The following NPAS2 variants were observed in gnomAD, a reference collection of about 807,000 sequenced individuals.
NPAS2 encodes the protein neuronal PAS domain-containing protein 2.
A neutral mutation model predicts 107.5 loss-of-function variants in NPAS2; 23 were observed. The observed-to-expected ratio is 0.21, with a 90% confidence interval of 0.15 to 0.30. NPAS2 has a LOEUF of 0.30. Ranked by LOEUF, NPAS2 falls within the 10% of genes least tolerant of loss-of-function variation. The probability of loss-of-function intolerance (pLI) is 1.00; values close to 1 mark genes in which losing one functional copy is unlikely to be tolerated. For missense variants in NPAS2, 756 were observed against 1,043.3 expected (o/e 0.72, Z 3.79); for synonymous variants, 403 against 417.5 (o/e 0.97, Z 0.42).
At chr2:100,952,698 C>G (rs1675305269) in intron 7 of NPAS2, among the ~76,000 whole-genome samples, 1 of 151,914 alleles carries the variant, frequency 6.6e-6, no homozygotes, top group African/African-American at 2.4e-5. Context: ...AGCATCCTGT[C>G]ATTTACCACA....
intron 1 of NPAS2, among the ~76,000 whole-genome samples, chr2:100,875,582 C>T (rs536669744): frequency 6.6e-6 from 1 of 152,076 alleles, no homozygotes; most frequent in Non-Finnish European, 1.5e-5. Context: ...TAGCTGGTTC[C>T]TACACAGCGC....
At chr2:100,978,425 GT>G (rs1007276588) in intron 15 of NPAS2, among the ~76,000 whole-genome samples, 11 of 151,856 alleles carry the variant, frequency 7.2e-5, no homozygotes, top group African/African-American at 2.7e-4. Context: ...ATTGGCCATG[GT>G]ATTTTAGAAA....
intron 1 of NPAS2, among the ~76,000 whole-genome samples, chr2:100,856,712 TGGGGGC>T (rs1022601422): frequency 6.6e-3 from 28 of 4,226 alleles, no homozygotes; most frequent in South Asian, 0.021. Context: ...ATGGGCGGGG[TGGGGGC>T]GGGGGCGGGG....
At chr2:100,823,402 T>C (rs1676189474) in intron 1 of NPAS2, among the ~76,000 whole-genome samples, 1 of 152,076 alleles carries the variant, frequency 6.6e-6, no homozygotes, top group East Asian at 1.9e-4. Flanking sequence ...CTTTTGCAAG[T>C]CTTAAAACAA....
At chr2:100,837,771 G>C (rs1042885301) in intron 1 of NPAS2, among the ~76,000 whole-genome samples, 1 of 152,160 alleles carries the variant, frequency 6.6e-6, no homozygotes, top group African/African-American at 2.4e-5. Context: ...CTGAAGTAAA[G>C]AACAGTTGGG....
In NPAS2 at chr2:100,992,985, A is replaced by C. The variant is rs377570899; in HGVS notation, c.2112-362A>C. Among the ~76,000 whole-genome samples, 37 of 151,484 alleles carry C rather than the reference A, an allele frequency of 2.4e-4. No homozygotes were observed. In the East Asian group the frequency reaches 5.3e-3, roughly 22 times the overall value. Reference sequence around the variant, plus strand: ...CACTCTGTCGCCCAGGCTGGAGTGCAGTGGTGTGATCTCGGCTCACTACAG... The same window carrying C: ...CACTCTGTCGCCCAGGCTGGAGTGCCGTGGTGTGATCTCGGCTCACTACAG... On this transcript the variant is annotated intron_variant, in intron 19 of 20. Coordinates refer to ENST00000335681, the MANE Select transcript of NPAS2 (RefSeq NM_002518.4).
intron 1 of NPAS2, among the ~76,000 whole-genome samples, chr2:100,894,686 G>A (rs973042292): frequency 6.6e-6 from 1 of 152,176 alleles, no homozygotes; most frequent in Non-Finnish European, 1.5e-5. Flanking sequence ...ACCAGTCCAG[G>A]GAGAGCAACA....
chr2:100,917,565 GGT>G (rs1682966519), intron 2 of NPAS2, among the ~76,000 whole-genome samples: 1 of 151,988 alleles, frequency 6.6e-6, no homozygotes, highest in African/African-American at 2.4e-5. Context: ...CAATAAAATT[GGT>G]AAGTCTATCA....
Position 100,853,216 on chromosome 2 carries a change from A to G in NPAS2, c.-23+32802A>G, listed in dbSNP as rs572902441. ...AAGGCTCCTCTCAGCTTCTGTCGCAATCTTGCACAGGAGAGAACTAGACCT... is the reference window on the plus strand; with the variant it reads ...AAGGCTCCTCTCAGCTTCTGTCGCAGTCTTGCACAGGAGAGAACTAGACCT... On this transcript the variant is annotated intron_variant, in intron 1 of 20. Coordinates refer to ENST00000335681, the MANE Select transcript of NPAS2 (RefSeq NM_002518.4). Among the ~76,000 whole-genome samples the G allele has an allele frequency of 3.9e-4, 59 of 152,354 alleles. 1 individual carries two copies. The highest frequency in any genetic ancestry group is 1.4e-3 in the African/African-American group (57 of 41,580).
chr2:100,850,034 AAAAGC>A (rs922912132), intron 1 of NPAS2, among the ~76,000 whole-genome samples: 2 of 131,188 alleles, frequency 1.5e-5, no homozygotes, highest in African/African-American at 2.9e-5. Context: ...AAAAAAAAAA[AAAAGC>A]AAGAGAAAAT....
At chr2:100,970,789 A>G in intron 11 of NPAS2, 1 of 475,430 alleles carries the variant, frequency 2.1e-6, no homozygotes, top group Non-Finnish European at 3.7e-6. Context: ...ATGTAATATT[A>G]TAAGTCACTC....
At chr2:100,931,298 A>AT (rs1248095615) in intron 3 of NPAS2, among the ~76,000 whole-genome samples, 1 of 152,116 alleles carries the variant, frequency 6.6e-6, no homozygotes, top group Non-Finnish European at 1.5e-5. Flanking sequence ...CCAAAGGCTC[A>AT]TAGCAGCTCT....
At chr2:100,888,021 G>C (rs1558842101) in intron 1 of NPAS2, among the ~76,000 whole-genome samples, 1 of 152,196 alleles carries the variant, frequency 6.6e-6, no homozygotes, top group Non-Finnish European at 1.5e-5. Flanking sequence ...GGTTGAATCT[G>C]TTTGCCCTTT....
At chr2:100,873,535 A>C (rs1679759748) in intron 1 of NPAS2, among the ~76,000 whole-genome samples, 1 of 151,810 alleles carries the variant, frequency 6.6e-6, no homozygotes. Context: ...CAGTTAATGG[A>C]AATATGCCCA....
chr2:100,933,106 G>C, intron 4 of NPAS2, 105 bp downstream of exon 4: 2 of 817,598 alleles, frequency 2.4e-6, no homozygotes, highest in Non-Finnish European at 4.0e-6. Flanking sequence ...CTTGATCCTG[G>C]GAAGACTTGA....
At chr2:100,963,381 CT>C (rs1231369849) in intron 7 of NPAS2, among the ~76,000 whole-genome samples, 6 of 148,482 alleles carry the variant, frequency 4.0e-5, no homozygotes, top group African/African-American at 1.0e-4. Flanking sequence ...GCTGTCTTCT[CT>C]TTTTTTTGTT....
intron 14 of NPAS2, among the ~76,000 whole-genome samples, 195 bp from the exon 15 acceptor site, chr2:100,977,515 T>C (rs867755267): frequency 2.6e-5 from 4 of 152,132 alleles, no homozygotes; most frequent in Admixed American, 6.5e-5. Context: ...GCACCAGTTG[T>C]GCAGGGGCTC....
At chr2:100,966,675 G>T (rs1034953588) in intron 10 of NPAS2, among the ~76,000 whole-genome samples, 1 of 148,510 alleles carries the variant, frequency 6.7e-6, no homozygotes, top group African/African-American at 2.5e-5. Flanking sequence ...CTCACTGCAA[G>T]CTTCACCTTC....
At chr2:100,904,843 T>G (rs1200605750) in intron 2 of NPAS2, 57 bp downstream of exon 2, 2 of 1,296,246 alleles carry the variant, frequency 1.5e-6, no homozygotes, top group Non-Finnish European at 2.2e-6. Context: ...GGGGTCTGCC[T>G]GGCAGAATCT....
Sources: allele counts gnomAD v4.1 joint callset (sites outside exome capture counted in the v4.1 genomes callset), GRCh38; gene constraint gnomAD v4.1.1; transcripts MANE v1.5; gene names NCBI Gene and HGNC (gene_info 2026-07-23, HGNC 2026-07-21).